The following AGO2 variants were observed in gnomAD, a reference collection of about 807,000 sequenced individuals.
AGO2 encodes the protein protein argonaute-2.
AGO2 carries 5 observed loss-of-function variants against 102.3 expected under a neutral mutation model. That is an observed-to-expected ratio of 0.05 (90% CI 0.03 to 0.10). The LOEUF (loss-of-function observed/expected upper bound fraction) is 0.10, where lower values mean the gene tolerates loss of function less well. Ranked by LOEUF, AGO2 falls within the 10% of genes least tolerant of loss-of-function variation. The pLI, the probability that AGO2 is intolerant of heterozygous loss-of-function variation, is 1.00. For synonymous variants in AGO2, 449 were observed against 473.1 expected (o/e 0.95, Z 0.66); for missense variants, 541 against 1,183.7 (o/e 0.46, Z 7.97).
chr8:140,566,602 C>CT (rs71504806), intron 3 of AGO2, among the ~76,000 whole-genome samples: 3,664 of 137,086 alleles, frequency 0.027, 72 homozygotes, highest in South Asian at 0.06. Context: ...CCTTTACTTT[C>CT]TTTTTTTTTT....
chr8:140,595,605 C>CTA (rs2073814319), intron 1 of AGO2, among the ~76,000 whole-genome samples: 1 of 77,064 alleles, frequency 1.3e-5, no homozygotes. Flanking sequence ...TCATGCCAGG[C>CTA]TATATATATA....
At chr8:140,537,459 A>C (rs2072717959) in intron 16 of AGO2, among the ~76,000 whole-genome samples, 1 of 151,862 alleles carries the variant, frequency 6.6e-6, no homozygotes, top group African/African-American at 2.4e-5. Flanking sequence ...ATGCTACCAT[A>C]CACAACTAAT....
In AGO2 at chr8:140,581,833, G is replaced by A. The variant is rs192820941; in HGVS notation, c.215+3286C>T. ...CATGTTGAGTGAATCCAACTGTTTAGTTTTACAGATATGAGAACTAAGTCC... is the reference window on the plus strand; with the variant it reads ...CATGTTGAGTGAATCCAACTGTTTAATTTTACAGATATGAGAACTAAGTCC... On this transcript the variant is annotated intron_variant, in intron 2 of 18. Transcript: ENST00000220592. Among the ~76,000 whole-genome samples, 306 of 152,314 alleles carry A rather than the reference G, an allele frequency of 2.0e-3. 1 individual carries two copies. Among genetic ancestry groups the A allele is most frequent in the Admixed American group, 6.1e-3 (94 of 15,290 alleles).
intron 17 of AGO2, among the ~76,000 whole-genome samples, chr8:140,533,097 G>T (rs1209275397): frequency 6.7e-6 from 1 of 149,682 alleles, no homozygotes; most frequent in Non-Finnish European, 1.5e-5. Flanking sequence ...TCATATCAAA[G>T]ATATAAAGCA....
chr8:140,581,025 C>T (rs1016411237), intron 2 of AGO2, among the ~76,000 whole-genome samples: 4 of 152,266 alleles, frequency 2.6e-5, no homozygotes, highest in Admixed American at 6.5e-5. Flanking sequence ...AAGCCTTGGC[C>T]ATGCCTAGTT....
chr8:140,635,236 C>A (rs898548548), intron 1 of AGO2, among the ~76,000 whole-genome samples: 1 of 146,118 alleles, frequency 6.8e-6, no homozygotes, highest in Non-Finnish European at 1.5e-5. Context: ...CGGGGCGCCC[C>A]GACGACTCGC....
chr8:140,605,095 A>T (rs1477036294), intron 1 of AGO2, among the ~76,000 whole-genome samples: 1 of 152,124 alleles, frequency 6.6e-6, no homozygotes, highest in Non-Finnish European at 1.5e-5. Flanking sequence ...AAAAAATACA[A>T]GTTTTTTTTC....
At position 140,532,010 on chromosome 8, in the gene AGO2, C is replaced by T; in HGVS notation, c.*34G>A. The T allele has an allele frequency of 3.1e-6, 5 of 1,594,862 alleles. No individual in the cohort carries two copies. Among genetic ancestry groups the T allele is most frequent in the Non-Finnish European group, 4.3e-6 (5 of 1,163,052 alleles). ...TGAGTGTAGCTGGTCTCGTGAATCC[C>T]ACTCGGTACACAATCGCTAAACACT... On this transcript the variant is annotated 3_prime_UTR_variant, in exon 19 of 19. Coordinates refer to ENST00000220592, the MANE Select transcript of AGO2 (RefSeq NM_012154.5).
intron 3 of AGO2, among the ~76,000 whole-genome samples, chr8:140,569,502 A>C (rs1056558074): frequency 6.6e-6 from 1 of 152,196 alleles, no homozygotes; most frequent in Admixed American, 6.5e-5. Context: ...ATGTTCCTAA[A>C]CAGTGCTCCT....
chr8:140,598,802 A>G (rs1269662684), intron 1 of AGO2, among the ~76,000 whole-genome samples: 2 of 152,220 alleles, frequency 1.3e-5, no homozygotes, highest in Non-Finnish European at 2.9e-5. Flanking sequence ...ACAATTGTAC[A>G]GCAGACCCAC....
At chr8:140,600,180 GA>G (rs1409347115) in intron 1 of AGO2, among the ~76,000 whole-genome samples, 3 of 152,234 alleles carry the variant, frequency 2.0e-5, no homozygotes, top group African/African-American at 7.2e-5. Context: ...GCAACGATTA[GA>G]AAAGTTATTT....
intron 1 of AGO2, among the ~76,000 whole-genome samples, chr8:140,603,714 G>A (rs546646566): frequency 5.3e-5 from 8 of 152,334 alleles, no homozygotes; most frequent in South Asian, 2.1e-4. Context: ...CACTGGGGCC[G>A]GATTTAACAG....
At chr8:140,622,366 C>T (rs370500424) in intron 1 of AGO2, among the ~76,000 whole-genome samples, 32 of 8,558 alleles carry the variant, frequency 3.7e-3, no homozygotes, top group South Asian at 0.028. Flanking sequence ...GGTCTCCTCT[C>T]GGGGGAATAA....
chr8:140,540,988 G>C lies in AGO2; in HGVS notation c.2034+176C>G, dbSNP rs527583042. Among the ~76,000 whole-genome samples the C allele has an allele frequency of 3.3e-5, 5 of 151,536 alleles. No individual in the cohort carries two copies. The highest frequency in any genetic ancestry group is 7.4e-5 in the Non-Finnish European group (5 of 67,960). On this transcript the variant is annotated intron_variant, in intron 15 of 18. Coordinates refer to ENST00000220592, the MANE Select transcript of AGO2 (RefSeq NM_012154.5). The surrounding 1 kb of genome is among the most constrained non-coding windows in gnomAD (Gnocchi z 5.0). ...CCTCAGTGTCATGTGTTAGGGTCTC[G>C]ACAGCCCCGTGTCCCATCTCCTCCC...
chr8:140,618,151 T>A (rs1038354425), intron 1 of AGO2, among the ~76,000 whole-genome samples: 3 of 151,550 alleles, frequency 2.0e-5, no homozygotes, highest in Non-Finnish European at 4.4e-5. Flanking sequence ...TGAAACCCCG[T>A]CTCTACTAAA....
chr8:140,612,314 G>A (rs1428156946), intron 1 of AGO2, among the ~76,000 whole-genome samples: 1 of 150,144 alleles, frequency 6.7e-6, no homozygotes, highest in Non-Finnish European at 1.5e-5. Context: ...TGATCTGTGT[G>A]ATTAAATGTG....
intron 1 of AGO2, among the ~76,000 whole-genome samples, chr8:140,587,453 G>A (rs1037843954): frequency 3.3e-5 from 5 of 152,232 alleles, no homozygotes; most frequent in East Asian, 1.9e-4. Flanking sequence ...TGCCAAGGAC[G>A]CCTCTGCAGG....
At chr8:140,534,605 C>T (rs997073371) in intron 17 of AGO2, among the ~76,000 whole-genome samples, 4 of 152,256 alleles carry the variant, frequency 2.6e-5, no homozygotes, top group African/African-American at 9.6e-5. Flanking sequence ...CCCATTCCTT[C>T]TCTGTCAGGC....
In AGO2 at chr8:140,532,116, C is replaced by T; in HGVS notation, c.2508G>A (p.Gly836=). The change falls in exon 19 of 19, where the codon GGG becomes GGA. Residue 836 remains glycine (G), a synonymous_variant. Coordinates refer to ENST00000220592, the MANE Select transcript of AGO2 (RefSeq NM_012154.5). ...EGSHTSGQSN[G]RDHQALAKAV... ...CCTTGGCCAGTGCTTGGTGGTCTCG[C>T]CCGTTACTCTGCCCAGAGGTATGGC... 6.2e-7 allele frequency: 1 copy of T among 1,614,162 alleles called. No homozygotes were observed. Among genetic ancestry groups the T allele is most frequent in the African/African-American group, 1.3e-5 (1 of 75,054 alleles).
Sources: allele counts gnomAD v4.1 joint callset (sites outside exome capture counted in the v4.1 genomes callset), GRCh38; gene constraint gnomAD v4.1.1; non-coding constraint Gnocchi (gnomAD v3.1); transcripts MANE v1.5; gene names NCBI Gene and HGNC (gene_info 2026-07-23, HGNC 2026-07-21).